DPP10: variants seen among roughly 807,000 people sequenced by gnomAD.
The protein encoded by DPP10 is inactive dipeptidyl peptidase 10.
Under a neutral mutation model 120.9 loss-of-function variants are expected in DPP10, and 33 were observed. That is an observed-to-expected ratio of 0.27 (90% CI 0.21 to 0.37). The LOEUF (loss-of-function observed/expected upper bound fraction) is 0.37, where lower values mean the gene tolerates loss of function less well. Among genes scored for constraint, DPP10 ranks in the 10% least tolerant of loss-of-function variants. The pLI is 1.00. For synonymous variants in DPP10, 337 were observed against 326.1 expected, an observed-to-expected ratio of 1.03 and a Z score of -0.36; for missense variants, 816 against 942.8, an observed-to-expected ratio of 0.87 and a Z score of 1.76.
At position 115,740,537 on chromosome 2, in the gene DPP10, C is replaced by CT. The variant is rs542013198; in HGVS notation, c.852+645dup. On this transcript the variant is annotated intron_variant, in intron 9 of 25. Transcript: ENST00000410059. Reference sequence around the variant, plus strand: ...CAGCATTACCTTGGCAGAGCATACTCTAGAACACACTATATAAAATGCTGG... The same window carrying CT: ...CAGCATTACCTTGGCAGAGCATACTCTTAGAACACACTATATAAAATGCTGG... 1.2e-3 allele frequency among the ~76,000 whole-genome samples: 190 copies of CT among 152,076 alleles called. 1 individual carries two copies. Among genetic ancestry groups the CT allele is most frequent in the Non-Finnish European group, 2.0e-3 (138 of 67,998 alleles).
intron 7 of DPP10, among the ~76,000 whole-genome samples, chr2:115,723,749 T>A (rs983244641): frequency 6.6e-6 from 1 of 152,046 alleles, no homozygotes; most frequent in Non-Finnish European, 1.5e-5. Flanking sequence ...CACAACTAAA[T>A]TAGAAAAGGA....
chr2:115,244,120 TAAAA>T (rs1268439787), intron 1 of DPP10, among the ~76,000 whole-genome samples: 1 of 150,056 alleles, frequency 6.7e-6, no homozygotes, highest in African/African-American at 2.4e-5. Context: ...CATTTGAAAT[TAAAA>T]AAAATCTGTG....
intron 1 of DPP10, among the ~76,000 whole-genome samples, chr2:115,086,133 G>A (rs1708673616): frequency 6.6e-6 from 1 of 152,162 alleles, no homozygotes; most frequent in Admixed American, 6.5e-5. Context: ...TGTTAACATA[G>A]CTAGATCTTT....
intron 3 of DPP10, among the ~76,000 whole-genome samples, chr2:115,472,917 A>G (rs1200359207): frequency 6.6e-6 from 1 of 152,178 alleles, no homozygotes; most frequent in African/African-American, 2.4e-5. Flanking sequence ...TGCCTGTTAG[A>G]CTTCTGAGCA....
intron 7 of DPP10, among the ~76,000 whole-genome samples, chr2:115,712,892 A>G (rs909282175): frequency 1.1e-4 from 17 of 152,042 alleles, no homozygotes; most frequent in African/African-American, 4.1e-4. Context: ...GGTCTACAAA[A>G]ACCATTTTTA....
chr2:115,627,826 G>T (rs764403718), intron 5 of DPP10, among the ~76,000 whole-genome samples: 1 of 152,012 alleles, frequency 6.6e-6, no homozygotes, highest in African/African-American at 2.4e-5. Context: ...AATGGCTCCC[G>T]GCTCCATCCA....
chr2:115,627,528 G>A (rs1362215085), intron 5 of DPP10, among the ~76,000 whole-genome samples: 1 of 152,088 alleles, frequency 6.6e-6, no homozygotes, highest in African/African-American at 2.4e-5. Flanking sequence ...AAAATGTAAT[G>A]TAAATTAATT....
At chr2:114,836,145 A>G (rs1390283894) in intron 1 of DPP10, among the ~76,000 whole-genome samples, 1 of 152,056 alleles carries the variant, frequency 6.6e-6, no homozygotes, top group Non-Finnish European at 1.5e-5. Context: ...CCCCTTTCTC[A>G]ATAAAGATTT....
chr2:115,338,170 CTT>C (rs1369912005), intron 2 of DPP10, among the ~76,000 whole-genome samples: 2 of 152,128 alleles, frequency 1.3e-5, no homozygotes, highest in East Asian at 3.9e-4. Flanking sequence ...GACTGTGTAA[CTT>C]TGTCTGTTAA....
chr2:115,229,227 C>T (rs1278290523), intron 1 of DPP10, among the ~76,000 whole-genome samples: 2 of 151,992 alleles, frequency 1.3e-5, no homozygotes, highest in Non-Finnish European at 2.9e-5. Flanking sequence ...CATTATTAGA[C>T]TTTTTCCCTA....
intron 19 of DPP10, among the ~76,000 whole-genome samples, chr2:115,799,064 C>T (rs1023198467): frequency 2.6e-5 from 4 of 151,900 alleles, no homozygotes; most frequent in South Asian, 2.1e-4. Context: ...AAAGTGCTTC[C>T]GTTGATTTTT....
At chr2:115,497,912 C>G (rs1162633009) in intron 3 of DPP10, among the ~76,000 whole-genome samples, 1 of 151,686 alleles carries the variant, frequency 6.6e-6, no homozygotes, top group African/African-American at 2.4e-5. Context: ...GTTATTTGTT[C>G]TGCATCAACA....
intron 4 of DPP10, among the ~76,000 whole-genome samples, chr2:115,521,863 T>C (rs928105812): frequency 2.0e-5 from 3 of 152,176 alleles, no homozygotes; most frequent in African/African-American, 7.2e-5. Context: ...TAATAAGCAC[T>C]GGCATATTCA....
chr2:114,824,723 GTTAA>G (rs1297798430), intron 1 of DPP10, among the ~76,000 whole-genome samples: 2 of 152,046 alleles, frequency 1.3e-5, no homozygotes, highest in Admixed American at 6.5e-5. Context: ...TAAAAATAGC[GTTAA>G]TTGATTAAAA....
chr2:114,976,549 C>T (rs1699767598), intron 1 of DPP10, among the ~76,000 whole-genome samples: 3 of 152,168 alleles, frequency 2.0e-5, no homozygotes, highest in African/African-American at 7.2e-5. Flanking sequence ...GGAAATAACA[C>T]AGAATTGTTG....
chr2:114,556,505 A>C (rs117412248), intron 1 of DPP10, among the ~76,000 whole-genome samples: 2 of 152,048 alleles, frequency 1.3e-5, no homozygotes, highest in East Asian at 3.9e-4. Context: ...ACACAAGTAA[A>C]TAAATAGCTC....
intron 11 of DPP10, among the ~76,000 whole-genome samples, chr2:115,760,001 C>T (rs1056875407): frequency 1.3e-5 from 2 of 151,308 alleles, no homozygotes; most frequent in Non-Finnish European, 2.9e-5. Flanking sequence ...AAGAGTGAAA[C>T]TCCGTCACAA....
intron 3 of DPP10, among the ~76,000 whole-genome samples, chr2:115,462,241 G>A (rs2074031742): frequency 6.6e-6 from 1 of 152,054 alleles, no homozygotes; most frequent in South Asian, 2.1e-4. Flanking sequence ...CCTATGAACT[G>A]TATTCCAGTC....
intron 1 of DPP10, among the ~76,000 whole-genome samples, chr2:114,694,417 G>GT (rs1381979796): frequency 2.6e-5 from 4 of 151,830 alleles, no homozygotes; most frequent in Non-Finnish European, 2.9e-5. Context: ...TCGAAACATA[G>GT]TTTTTTGTTT....
Sources: allele counts gnomAD v4.1 joint callset (sites outside exome capture counted in the v4.1 genomes callset), GRCh38; gene constraint gnomAD v4.1.1; transcripts MANE v1.5; gene names NCBI Gene and HGNC (gene_info 2026-07-23, HGNC 2026-07-21).